TLN2: variants seen among roughly 807,000 people sequenced by gnomAD.
The protein encoded by TLN2 is talin 2.
Under a neutral mutation model 294.7 loss-of-function variants are expected in TLN2, and 118 were observed. The observed-to-expected ratio is 0.40, with a 90% CI of 0.34 to 0.47. The LOEUF (loss-of-function observed/expected upper bound fraction) is 0.47, where lower values mean the gene tolerates loss of function less well. Ranked by LOEUF, TLN2 falls within the 20% of genes least tolerant of loss-of-function variation. TLN2 has a pLI of 0.84. For missense variants in TLN2, 3,083 were observed against 3,282.2 expected, an observed-to-expected ratio of 0.94 and a Z score of 1.48; for synonymous variants, 1,431 against 1,304.5, an observed-to-expected ratio of 1.10 and a Z score of -2.09.
In TLN2 at chr15:62,770,477, T is replaced by G. The variant is rs1353773042; in HGVS notation, c.5197-487T>G. On this transcript the variant is annotated intron_variant, in intron 41 of 58. Transcript: ENST00000636159. ...TAGGCTGATGTGAAATCATTTGTGC[T>G]GTTTTTCCAAATCAAGGCTTGGTCA... is the stretch of plus-strand genomic sequence containing the variant. Among the ~76,000 whole-genome samples, 2 of 152,236 alleles carry G rather than the reference T, an allele frequency of 1.3e-5. 1 individual carries two copies. The highest frequency in any genetic ancestry group is 4.8e-5 in the African/African-American group (2 of 41,466).
chr15:62,638,553 G>C, intron 3 of TLN2: 1 of 456,020 alleles, frequency 2.2e-6, no homozygotes, highest in East Asian at 7.0e-5. Flanking sequence ...AGAAGGTCTG[G>C]TTGTGCTTTT....
chr15:62,498,952 T>G (rs1454156786), intron 1 of TLN2, among the ~76,000 whole-genome samples: 1 of 152,214 alleles, frequency 6.6e-6, no homozygotes, highest in East Asian at 1.9e-4. Flanking sequence ...GTGGAGAGTT[T>G]AAAGTCATTG....
Position 62,545,039 on chromosome 15 carries a change from C to G in TLN2, c.-237-44648C>G, listed in dbSNP as rs137949066. On this transcript the variant is annotated intron_variant, in intron 1 of 58. Coordinates refer to ENST00000636159, the MANE Select transcript of TLN2 (RefSeq NM_015059.3). ...CCACCTCCTGGGCTCACACCATTCT[C>G]CTGCCTCAGCCTCCCAAGTAGCTGA... 7.8e-3 allele frequency among the ~76,000 whole-genome samples: 1,182 copies of G among 152,166 alleles called. 12 individuals are homozygous for G. Among genetic ancestry groups the G allele is most frequent in the African/African-American group, 0.026 (1,085 of 41,512 alleles).
intron 1 of TLN2, among the ~76,000 whole-genome samples, chr15:62,527,154 A>G (rs536459939): frequency 6.6e-6 from 1 of 152,272 alleles, no homozygotes; most frequent in South Asian, 2.1e-4. Flanking sequence ...AGTGCATACC[A>G]TAGCCAGTGG....
intron 1 of TLN2, among the ~76,000 whole-genome samples, chr15:62,538,335 A>G (rs1031653983): frequency 3.3e-5 from 5 of 152,202 alleles, no homozygotes; most frequent in Non-Finnish European, 5.9e-5. Flanking sequence ...GCCCTTGGAT[A>G]TTAAGCACCT....
At chr15:62,552,213 C>A (rs573178316) in intron 1 of TLN2, among the ~76,000 whole-genome samples, 6 of 152,296 alleles carry the variant, frequency 3.9e-5, no homozygotes, top group Admixed American at 3.9e-4. Flanking sequence ...ACTGAGTTAG[C>A]AGAGACAAGA....
intron 1 of TLN2, among the ~76,000 whole-genome samples, chr15:62,458,052 C>A (rs1444795122): frequency 2.6e-5 from 4 of 152,226 alleles, no homozygotes; most frequent in African/African-American, 9.7e-5. Context: ...GTCCCTCATC[C>A]ACAGTTGTTG....
At chr15:62,455,059 C>G (rs913352213) in intron 1 of TLN2, among the ~76,000 whole-genome samples, 8 of 152,058 alleles carry the variant, frequency 5.3e-5, no homozygotes, top group Non-Finnish European at 7.4e-5. Flanking sequence ...TTACTAAGCA[C>G]AAGGAATTTG....
intron 37 of TLN2, among the ~76,000 whole-genome samples, chr15:62,757,497 A>C (rs1182287035): frequency 6.6e-6 from 1 of 152,210 alleles, no homozygotes; most frequent in African/African-American, 2.4e-5. Flanking sequence ...AACAGGAAAG[A>C]CACTCTTTAT....
intron 54 of TLN2, chr15:62,823,870 A>C: frequency 2.2e-6 from 1 of 453,762 alleles, no homozygotes; most frequent in South Asian, 1.7e-5. Context: ...CAGTTATCGG[A>C]GTTGCTGCAA....
chr15:62,534,538 C>G (rs187402484), intron 1 of TLN2, among the ~76,000 whole-genome samples: 1 of 152,290 alleles, frequency 6.6e-6, no homozygotes, highest in Non-Finnish European at 1.5e-5. Context: ...ATGTGTTCAA[C>G]TATCTGGAAG....
At chr15:62,392,112 C>T (rs2140218868) in intron 1 of TLN2, among the ~76,000 whole-genome samples, 1 of 152,368 alleles carries the variant, frequency 6.6e-6, no homozygotes, top group South Asian at 2.1e-4. Flanking sequence ...ACAGCAGTAG[C>T]GCCCGCGGCT....
chr15:62,643,405 ATTTTTTTTTTTTTTTTTTTT>A (rs571288380), intron 3 of TLN2, among the ~76,000 whole-genome samples: 13 of 90,746 alleles, frequency 1.4e-4, no homozygotes, highest in African/African-American at 2.1e-4. Flanking sequence ...TGGTTCCAGG[ATTTTTTTTTTTTTTTTTTTT>A]TTTTTTTTTT....
chr15:62,646,021 A>C (rs974034967), intron 3 of TLN2, among the ~76,000 whole-genome samples: 6 of 152,184 alleles, frequency 3.9e-5, no homozygotes, highest in Non-Finnish European at 7.4e-5. Context: ...TAGAGCAGGC[A>C]CTGGAAATAC....
At chr15:62,589,365 T>A (rs1325833720) in intron 1 of TLN2, among the ~76,000 whole-genome samples, 1 of 152,206 alleles carries the variant, frequency 6.6e-6, no homozygotes, top group Non-Finnish European at 1.5e-5. Context: ...GATTTTTGTT[T>A]TCGACATTGA....
Position 62,711,994 on chromosome 15 carries a change from A to G in TLN2, c.2551A>G (p.Ile851Val), listed in dbSNP as rs779776169. The stretch of plus-strand genomic sequence containing the variant: ...CATGAGGTCAGATGCAGAAGCCGAA[A>G]TCGACATGGAGAATTCAAAGAAGCT... ...NAMRSDAEAEIDMENSKKLLA... is the reference protein window; with the variant it reads ...NAMRSDAEAEVDMENSKKLLA... The change falls in exon 22 of 59, where the codon ATC becomes GTC. Residue 851 changes from isoleucine to valine, a missense_variant. Physicochemically the swap from Ile to Val is conservative, Grantham distance 29. Transcript: ENST00000636159. 27 of 1,614,124 alleles carry G rather than the reference A, an allele frequency of 1.7e-5. No individual in the cohort carries two copies. The East Asian group carries it at 5.6e-4, about 33-fold the overall frequency.
chr15:62,607,332 C>T (rs1444764948), intron 2 of TLN2, among the ~76,000 whole-genome samples: 1 of 152,166 alleles, frequency 6.6e-6, no homozygotes, highest in Non-Finnish European at 1.5e-5. Context: ...TGCTAGCCCA[C>T]CCGCACCACC....
intron 45 of TLN2, among the ~76,000 whole-genome samples, chr15:62,785,944 T>G (rs2064619502): frequency 6.6e-6 from 1 of 152,230 alleles, no homozygotes; most frequent in Non-Finnish European, 1.5e-5. Context: ...CAGGTTACTT[T>G]GGTTATTGGC....
intron 1 of TLN2, among the ~76,000 whole-genome samples, chr15:62,513,285 C>G (rs1271893303): frequency 1.3e-5 from 2 of 152,152 alleles, no homozygotes; most frequent in African/African-American, 4.8e-5. Context: ...CTACCTGTTG[C>G]CAGATGTTGA....
Sources: allele counts gnomAD v4.1 joint callset (sites outside exome capture counted in the v4.1 genomes callset), GRCh38; gene constraint gnomAD v4.1.1; transcripts MANE v1.5; gene names NCBI Gene and HGNC (gene_info 2026-07-23, HGNC 2026-07-21).